HSD17B4: variants seen among roughly 807,000 people sequenced by gnomAD.
HSD17B4 encodes the protein peroxisomal multifunctional enzyme type 2.
A neutral mutation model predicts 101.0 loss-of-function variants in HSD17B4; 70 were observed. The observed-to-expected ratio is 0.69, with a 90% CI of 0.57 to 0.85. The LOEUF is 0.85. HSD17B4 is among the 40% of genes least tolerant of loss of function. HSD17B4 has a pLI of 0.00. For missense variants in HSD17B4, 984 were observed against 892.4 expected, an observed-to-expected ratio of 1.10 and a Z score of -1.31; for synonymous variants, 347 against 297.1, an observed-to-expected ratio of 1.17 and a Z score of -1.73.
chr5:119,527,278 A>T, intron 20 of HSD17B4, 59 bp downstream of exon 20: 3 of 919,078 alleles, frequency 3.3e-6, no homozygotes, highest in South Asian at 2.8e-5. Flanking sequence ...CCATCTTACC[A>T]TTTTTTTTTG....
chr5:119,487,805 G>GTTTTGTCAATT (rs1749740387), intron 8 of HSD17B4, among the ~76,000 whole-genome samples: 2 of 152,078 alleles, frequency 1.3e-5, no homozygotes, highest in African/African-American at 4.8e-5. Context: ...GGAAATTAGA[G>GTTTTGTCAATT]GAATGTTATG....
intron 20 of HSD17B4, among the ~76,000 whole-genome samples, chr5:119,528,446 G>A (rs1401620160): frequency 6.6e-6 from 1 of 152,088 alleles, no homozygotes; most frequent in African/African-American, 2.4e-5. Context: ...TCAGGCTTAA[G>A]TTCAAGCTCC....
intron 8 of HSD17B4, among the ~76,000 whole-genome samples, chr5:119,488,028 C>CT (rs923723106): frequency 6.6e-6 from 1 of 152,070 alleles, no homozygotes; most frequent in African/African-American, 2.4e-5. Context: ...TATACACCAT[C>CT]TTTTTTACTT....
chr5:119,498,566 G>A (rs1470609857), intron 12 of HSD17B4, among the ~76,000 whole-genome samples: 1 of 151,982 alleles, frequency 6.6e-6, no homozygotes, highest in Non-Finnish European at 1.5e-5. Context: ...GGAAATTCAA[G>A]TTAATTTTAT....
At position 119,535,496 on chromosome 5, in the gene HSD17B4, T is replaced by C. The variant is rs1479108194; in HGVS notation, c.1994-927T>C. On this transcript the variant is annotated intron_variant, in intron 22 of 23. Transcript: ENST00000510025. ...ATATTTGAAGGCTGGAGACCAATTA[T>C]TTTATAGCTTGTTTCTTGGTTTGTT... 2.6e-5 allele frequency among the ~76,000 whole-genome samples: 4 copies of C among 151,960 alleles called. No individual in the cohort carries two copies. In the East Asian group the frequency reaches 7.7e-4, roughly 29 times the overall value.
chr5:119,462,078 A>C (rs1419851212), intron 2 of HSD17B4, among the ~76,000 whole-genome samples: 1 of 152,140 alleles, frequency 6.6e-6, no homozygotes, highest in South Asian at 2.1e-4. Flanking sequence ...ACTAGATTTT[A>C]TATGGAAAAT....
chr5:119,532,635 C>G (rs549895113), intron 22 of HSD17B4, among the ~76,000 whole-genome samples: 1 of 152,074 alleles, frequency 6.6e-6, no homozygotes, highest in Non-Finnish European at 1.5e-5. Context: ...GTATTTATTA[C>G]TATTAATTTC....
intron 19 of HSD17B4, among the ~76,000 whole-genome samples, chr5:119,526,578 C>T (rs1295067686): frequency 1.3e-5 from 2 of 151,850 alleles, no homozygotes; most frequent in Non-Finnish European, 2.9e-5. Flanking sequence ...CAAATAGCTC[C>T]AAAAGCTTTT....
At chr5:119,500,826 G>C (rs986643201) in intron 13 of HSD17B4, among the ~76,000 whole-genome samples, 1 of 152,080 alleles carries the variant, frequency 6.6e-6, no homozygotes, top group African/African-American at 2.4e-5. Context: ...TGTCAAGAAG[G>C]AGGAGGGAAC....
intron 20 of HSD17B4, among the ~76,000 whole-genome samples, chr5:119,529,560 C>A (rs1028196678): frequency 4.2e-5 from 6 of 141,614 alleles, no homozygotes; most frequent in African/African-American, 9.7e-5. Context: ...ACTTCCCCCC[C>A]AAAAAATGCC....
intron 22 of HSD17B4, chr5:119,535,833 A>T (rs1338777929): frequency 6.6e-6 from 1 of 152,506 alleles, no homozygotes; most frequent in Admixed American, 6.5e-5. Flanking sequence ...GGTAGCATAA[A>T]CAAAAACAGT....
chr5:119,537,670 A>G (rs890427573), intron 23 of HSD17B4, among the ~76,000 whole-genome samples: 6 of 152,182 alleles, frequency 3.9e-5, no homozygotes, highest in African/African-American at 1.4e-4. Context: ...AAAGGGTTAC[A>G]CAGTAAATAT....
At chr5:119,467,090 G>C (rs1272890376) in intron 2 of HSD17B4, among the ~76,000 whole-genome samples, 1 of 152,152 alleles carries the variant, frequency 6.6e-6, no homozygotes, top group Non-Finnish European at 1.5e-5. Flanking sequence ...TGTGTCCAAA[G>C]TTCTTGTTAT....
chr5:119,509,309 C>G, intron 16 of HSD17B4, 65 bp downstream of exon 16: 1 of 997,272 alleles, frequency 1.0e-6, no homozygotes, highest in African/African-American at 1.6e-5. Flanking sequence ...ACAATTGAGA[C>G]TTGAACAGCA....
chr5:119,536,764 A>C (rs1176112857), intron 23 of HSD17B4, among the ~76,000 whole-genome samples: 2 of 152,092 alleles, frequency 1.3e-5, no homozygotes, highest in African/African-American at 4.8e-5. Flanking sequence ...ACCCACATCT[A>C]GATTTTTTAA....
intron 2 of HSD17B4, among the ~76,000 whole-genome samples, chr5:119,462,753 G>T (rs1755392735): frequency 1.3e-5 from 2 of 151,810 alleles, no homozygotes; most frequent in Admixed American, 6.6e-5. Context: ...ATATTTATGG[G>T]GTACAGTGTG....
At chr5:119,524,411 GA>G (rs1753390711) in intron 17 of HSD17B4, among the ~76,000 whole-genome samples, 1 of 152,052 alleles carries the variant, frequency 6.6e-6, no homozygotes, top group Non-Finnish European at 1.5e-5. Flanking sequence ...GTAGTCTTTG[GA>G]AAACAGCACA....
intron 2 of HSD17B4, among the ~76,000 whole-genome samples, chr5:119,457,643 T>C (rs1167563846): frequency 6.9e-6 from 1 of 144,004 alleles, no homozygotes; most frequent in Non-Finnish European, 1.5e-5. Flanking sequence ...TAAAGACACA[T>C]GCTGTTACTA....
At chr5:119,459,500 C>T (rs796140584) in intron 2 of HSD17B4, among the ~76,000 whole-genome samples, 1 of 152,190 alleles carries the variant, frequency 6.6e-6, no homozygotes, top group Non-Finnish European at 1.5e-5. Flanking sequence ...AAAGGAAAAG[C>T]TCTGTGTCTT....
Sources: gnomAD v4.1 joint callset for allele counts (sites outside exome capture counted in the v4.1 genomes callset) on GRCh38, gnomAD v4.1.1 for gene constraint, MANE v1.5 for transcripts, NCBI Gene and HGNC (gene_info 2026-07-23, HGNC 2026-07-21) for gene names.